The following PITPNM2 variants were observed in gnomAD, a reference collection of about 807,000 sequenced individuals.
PITPNM2 encodes membrane-associated phosphatidylinositol transfer protein 2.
PITPNM2 carries 35 observed loss-of-function variants against 132.2 expected under a neutral mutation model. The observed-to-expected ratio is 0.26, with a 90% CI of 0.20 to 0.35. PITPNM2 has a LOEUF of 0.35. PITPNM2 is among the 10% of genes least tolerant of loss of function. PITPNM2 has a pLI of 1.00. For missense variants in PITPNM2, 1,332 were observed against 1,912.0 expected, an observed-to-expected ratio of 0.70 and a Z score of 5.66; for synonymous variants, 738 against 799.2, an observed-to-expected ratio of 0.92 and a Z score of 1.29.
intron 3 of PITPNM2, among the ~76,000 whole-genome samples, chr12:123,024,561 C>A (rs1243353294): frequency 6.6e-6 from 1 of 152,192 alleles, no homozygotes; most frequent in Non-Finnish European, 1.5e-5. Flanking sequence ...AAACTGTGGT[C>A]TACCATGGAA....
At chr12:123,070,938 A>G (rs2041605427) in intron 2 of PITPNM2, among the ~76,000 whole-genome samples, 1 of 152,218 alleles carries the variant, frequency 6.6e-6, no homozygotes, top group South Asian at 2.1e-4. Context: ...TCCTAGCTGC[A>G]AACAGGGGGA....
intron 2 of PITPNM2, among the ~76,000 whole-genome samples, chr12:123,056,443 G>A (rs1319702469): frequency 6.6e-6 from 1 of 152,184 alleles, no homozygotes; most frequent in South Asian, 2.1e-4. Context: ...TCTCACTGCG[G>A]TGGCTTCACC....
At chr12:123,047,927 C>T (rs1405220513) in intron 2 of PITPNM2, among the ~76,000 whole-genome samples, 10 of 152,048 alleles carry the variant, frequency 6.6e-5, no homozygotes, top group Non-Finnish European at 1.3e-4. Context: ...GGTGAAACCC[C>T]GTATCTACTA....
chr12:122,996,553 C>T lies in PITPNM2; in HGVS notation c.1687G>A (p.Gly563Arg). Residue 563 changes from glycine (G) to arginine (R), a missense_variant, in exon 13 of 26, where the codon GGG (glycine) becomes AGG (arginine). Transcript: ENST00000320201. The part of the protein sequence containing the change: ...GQVCLIGDCV[G>R]GILAFDALCY... The stretch of plus-strand genomic sequence containing the variant: ...AGGGCATCAAATGCCAGGATGCCCC[C>T]GACGCAGTCCCCAATCAGGCAGACC... The T allele has an allele frequency of 1.9e-6, 3 of 1,613,106 alleles. No homozygotes were observed. The highest frequency in any genetic ancestry group is 2.5e-6 in the Non-Finnish European group (3 of 1,180,012).
intron 3 of PITPNM2, among the ~76,000 whole-genome samples, chr12:123,032,704 G>C (rs892214099): frequency 2.0e-5 from 3 of 152,168 alleles, no homozygotes; most frequent in Admixed American, 1.3e-4. Flanking sequence ...GACAACAGCA[G>C]CACTGGCAGA....
chr12:123,142,740 C>A (rs1184002941), intron 1 of PITPNM2, among the ~76,000 whole-genome samples: 1 of 152,184 alleles, frequency 6.6e-6, no homozygotes, highest in African/African-American at 2.4e-5. Flanking sequence ...GTCTGGCCAC[C>A]CCTGCTGATT....
chr12:122,992,499 C>T lies in PITPNM2; in HGVS notation c.2404G>A (p.Ala802Thr). 1 of 1,609,774 alleles carries T rather than the reference C, an allele frequency of 6.2e-7. No individual in the cohort carries two copies. Among genetic ancestry groups the T allele is most frequent in the Non-Finnish European group, 8.5e-7 (1 of 1,178,940 alleles). ...GAGTGGGGCGGAATGTGCCTCTCAC[C>T]CAGCAGCGTGGAGCAGCCATCCCCC... ...PLGDGCSTLL[A>T]DVLQTHNAAF... is the part of the protein sequence containing the mutation. The change falls in exon 16 of 26, where the codon GCG becomes ACG. Residue 802 changes from alanine (A) to threonine (T), a missense_variant and splice_region_variant. This residue lies in a region of PITPNM2 where 710 missense variants were observed against 911.5 expected (regional missense o/e 0.78). Coordinates refer to ENST00000320201, the MANE Select transcript of PITPNM2 (RefSeq NM_020845.3). This position sits in a 1 kb window ranked among gnomAD's most constrained non-coding sequence, Gnocchi z 6.5.
In PITPNM2 at chr12:123,004,537, C is replaced by T. The variant is rs747650324; in HGVS notation, c.953-48G>A. On this transcript the variant is annotated intron_variant, in intron 7 of 25. Transcript: ENST00000320201. This position sits in a 1 kb window ranked among gnomAD's most constrained non-coding sequence, Gnocchi z 4.9. ...GACCGCCAACTGGAGAGGAAGGGCC[C>T]AGAGGCTGCCCTGAGCCGGCAGGAG... is the stretch of plus-strand genomic sequence containing the variant. The T allele has an allele frequency of 3.1e-6, 5 of 1,594,098 alleles. No homozygotes were observed. The South Asian group carries it at 4.4e-5, about 14-fold the overall frequency.
intron 1 of PITPNM2, among the ~76,000 whole-genome samples, chr12:123,131,579 T>A (rs893768195): frequency 3.3e-5 from 5 of 152,176 alleles, no homozygotes; most frequent in African/African-American, 7.2e-5. Context: ...ATGCTTGCCC[T>A]AGGAGCAGAG....
chr12:123,151,639 T>A (rs2043759917), upstream of PITPNM2, among the ~76,000 whole-genome samples: 1 of 151,940 alleles, frequency 6.6e-6, no homozygotes, highest in Non-Finnish European at 1.5e-5. Flanking sequence ...GGTCCCCACC[T>A]CAGGGAGTAG....
At chr12:123,013,664 G>T (rs1373021598) in intron 4 of PITPNM2, among the ~76,000 whole-genome samples, 164 bp downstream of exon 4, 4 of 152,226 alleles carry the variant, frequency 2.6e-5, no homozygotes, top group African/African-American at 7.2e-5. Context: ...TGCCCTAGGT[G>T]ACCTTCGGGG....
At chr12:123,075,034 T>C (rs181219618) in intron 2 of PITPNM2, among the ~76,000 whole-genome samples, 72 of 152,236 alleles carry the variant, frequency 4.7e-4, no homozygotes, top group African/African-American at 1.7e-3. Flanking sequence ...AGGGAAAACA[T>C]ATTTGTGTGT....
chr12:123,003,727 T>G (rs1023545357), intron 8 of PITPNM2, among the ~76,000 whole-genome samples: 4 of 152,226 alleles, frequency 2.6e-5, no homozygotes, highest in Non-Finnish European at 5.9e-5. Context: ...GCCTCTGAGC[T>G]GCTGTGTGAA....
At chr12:123,136,786 A>C (rs2043391156) in intron 1 of PITPNM2, among the ~76,000 whole-genome samples, 1 of 152,190 alleles carries the variant, frequency 6.6e-6, no homozygotes, top group African/African-American at 2.4e-5. Flanking sequence ...AGTCCCAGCT[A>C]TTCAGGAGGC....
chr12:122,993,616 T>G lies in PITPNM2; in HGVS notation c.2234-947A>C, dbSNP rs1376451665. Among the ~76,000 whole-genome samples the G allele has an allele frequency of 6.6e-6, 1 of 152,150 alleles. No homozygotes were observed. Among genetic ancestry groups the G allele is most frequent in the African/African-American group, 2.4e-5 (1 of 41,426 alleles). On this transcript the variant is annotated intron_variant, in intron 15 of 25. Transcript: ENST00000320201. This position sits in a 1 kb window ranked among gnomAD's most constrained non-coding sequence, Gnocchi z 5.2. ...CCAGCCCCTCCACATAGACGGACAT[T>G]TAAGTTGGTTCTGGTTTTTCACAAT...
rs961083650 is a variant in PITPNM2 at position 123,097,250 on chromosome 12, C to T, written c.-96+13135G>A. On this transcript the variant is annotated intron_variant, in intron 2 of 25. Coordinates refer to ENST00000320201, the MANE Select transcript of PITPNM2 (RefSeq NM_020845.3). The surrounding 1 kb of genome is among the most constrained non-coding windows in gnomAD (Gnocchi z 4.7). ...TAGAGACGGGGTTTTGCCATGTTGG[C>T]CAGGCTGGTCTCGAACTCCTGACCT... Among the ~76,000 whole-genome samples the T allele has an allele frequency of 4.6e-5, 7 of 152,040 alleles. No homozygotes were observed. The highest frequency in any genetic ancestry group is 1.7e-4 in the African/African-American group (7 of 41,390).
chr12:123,037,304 G>C (rs1348991997), intron 2 of PITPNM2, among the ~76,000 whole-genome samples: 1 of 152,236 alleles, frequency 6.6e-6, no homozygotes, highest in Non-Finnish European at 1.5e-5. Flanking sequence ...GAGGGAAGTT[G>C]GAGGAAATTA....
intron 2 of PITPNM2, among the ~76,000 whole-genome samples, chr12:123,062,052 C>T (rs578038020): frequency 1.3e-5 from 2 of 152,294 alleles, no homozygotes; most frequent in South Asian, 4.1e-4. Context: ...CCTCCTCCTT[C>T]TCCCTGCCAA....
chr12:123,042,667 C>T (rs1387473290), intron 2 of PITPNM2, among the ~76,000 whole-genome samples: 2 of 152,170 alleles, frequency 1.3e-5, no homozygotes, highest in Non-Finnish European at 2.9e-5. Context: ...CCTTCTGCCT[C>T]CCTTGAGTCC....
Sources: gnomAD v4.1 joint callset for allele counts (sites outside exome capture counted in the v4.1 genomes callset) on GRCh38, gnomAD v4.1.1 for gene constraint, gnomAD v4.1.1 regional missense constraint, Gnocchi (gnomAD v3.1) non-coding constraint, MANE v1.5 for transcripts, NCBI Gene and HGNC (gene_info 2026-07-23, HGNC 2026-07-21) for gene names.